CEP170B: variants seen among roughly 807,000 people sequenced by gnomAD.
The protein encoded by CEP170B is centrosomal protein 170B.
A neutral mutation model predicts 120.6 loss-of-function variants in CEP170B; 55 were observed. That is an observed-to-expected ratio of 0.46 (90% confidence interval 0.37 to 0.57). CEP170B has a LOEUF of 0.57. Ranked by LOEUF, CEP170B falls within the 20% of genes least tolerant of loss-of-function variation. The pLI, the probability that CEP170B is intolerant of heterozygous loss-of-function variation, is 0.00. For missense variants in CEP170B, 2,212 were observed against 2,253.3 expected, an observed-to-expected ratio of 0.98 and a Z score of 0.37; for synonymous variants, 1,033 against 954.5, an observed-to-expected ratio of 1.08 and a Z score of -1.52.
intron 5 of CEP170B, 59 bp downstream of exon 5, chr14:104,878,560 C>A: frequency 6.4e-7 from 1 of 1,551,058 alleles, no homozygotes; most frequent in Non-Finnish European, 8.8e-7. Context: ...CCATCCTCCC[C>A]ACCATGCTCC....
intron 13 of CEP170B, among the ~76,000 whole-genome samples, chr14:104,892,027 T>G (rs956128056): frequency 3.3e-5 from 5 of 151,174 alleles, no homozygotes; most frequent in African/African-American, 7.3e-5. Flanking sequence ...GAGGTAGGGG[T>G]AGGGGGAGGG....
chr14:104,883,084 C>T lies in CEP170B; in HGVS notation c.627C>T (p.Arg209=), dbSNP rs760614317. ...AGGACGGGGAGCTCCACGGCTTCCG[C>T]GCCCCTGCTGAGCCTCAGGGCTGCT... ...VQQDGELHGF[R]APAEPQGCSF... The change falls in exon 8 of 19, where the codon CGC becomes CGT. Residue 209 remains arginine, a synonymous_variant. Coordinates refer to ENST00000414716, the MANE Select transcript of CEP170B (RefSeq NM_001112726.3). 3.3e-5 allele frequency: 51 copies of T among 1,567,364 alleles called. 1 individual carries two copies. The highest frequency in any genetic ancestry group is 9.3e-5 in the South Asian group (8 of 86,378).
chr14:104,876,565 TCAGCCCTGGCCCCTCCCC>T (rs1227178100), intron 3 of CEP170B, among the ~76,000 whole-genome samples: 15 of 127,726 alleles, frequency 1.2e-4, no homozygotes, highest in Admixed American at 6.1e-4. Context: ...CCCCTCCCTC[TCAGCCCTGGCCCCTCCCC>T]CAGCCCTGGC....
chr14:104,887,705 C>T lies in CEP170B; in HGVS notation c.3466C>T (p.Pro1156Ser). 1 of 1,586,074 alleles carries T rather than the reference C, an allele frequency of 6.3e-7. No homozygotes were observed. The highest frequency in any genetic ancestry group is 2.3e-5 in the East Asian group (1 of 43,630). ...GGGCAACCCTGAGCCCGTGGGCCGGCCAGCTGCTGAGCAGGCCAAGAAGCT... is the reference window on the plus strand; with the variant it reads ...GGGCAACCCTGAGCCCGTGGGCCGGTCAGCTGCTGAGCAGGCCAAGAAGCT... ...SLGNPEPVGRPAAEQAKKLSR... is the reference protein window; with the variant it reads ...SLGNPEPVGRSAAEQAKKLSR... Residue 1156 changes from proline (P) to serine (S), a missense_variant, in exon 12 of 19, where the codon CCA becomes TCA. Physicochemically the swap from Pro to Ser is moderately conservative, Grantham distance 74 (BLOSUM62 -1). Around this residue, in one of 2 missense-constraint regions of CEP170B, gnomAD observed 2,166 missense variants for 2,166.7 expected, o/e 1.00. Transcript: ENST00000414716.
chr14:104,886,253 C>T (rs777954045), intron 11 of CEP170B, 22 bp from the exon 12 acceptor site: 7 of 1,495,818 alleles, frequency 4.7e-6, no homozygotes, highest in South Asian at 3.9e-5. Context: ...GCCCTCTAAC[C>T]GGCTGCCTTT....
intron 14 of CEP170B, 38 bp downstream of exon 14, chr14:104,893,173 C>T (rs1314072328): frequency 1.3e-6 from 2 of 1,589,566 alleles, no homozygotes; most frequent in Non-Finnish European, 1.7e-6. Context: ...GTGCCAGAGC[C>T]ACCCTCGAGG....
intron 2 of CEP170B, among the ~76,000 whole-genome samples, chr14:104,874,272 C>A (rs776584550): frequency 1.3e-5 from 2 of 152,216 alleles, no homozygotes; most frequent in Non-Finnish European, 2.9e-5. Context: ...CCAACCCCTC[C>A]GGCAGAGACT....
At chr14:104,889,550 T>A in intron 12 of CEP170B, 70 bp from the exon 13 acceptor site, 1 of 1,599,388 alleles carries the variant, frequency 6.3e-7, no homozygotes, top group Non-Finnish European at 8.5e-7. Flanking sequence ...GGATTACACG[T>A]CCACCTCTGA....
At chr14:104,893,977 C>A in intron 16 of CEP170B, 128 bp downstream of exon 16, 1 of 888,676 alleles carries the variant, frequency 1.1e-6, no homozygotes, top group Non-Finnish European at 1.8e-6. Context: ...GTGGAGCAGC[C>A]CTCCCGTGTG....
chr14:104,887,240 G>T lies in CEP170B; in HGVS notation c.3001G>T (p.Val1001Phe). The T allele has an allele frequency of 6.2e-7, 1 of 1,606,686 alleles. No individual in the cohort carries two copies. The highest frequency in any genetic ancestry group is 1.1e-5 in the South Asian group (1 of 90,970). Reference sequence around the variant, plus strand: ...ACAGGACCCGGGAGGCACCGCCCTGGTCAGTGCCCGTGAGCAGTCCTCAGA... The same window carrying T: ...ACAGGACCCGGGAGGCACCGCCCTGTTCAGTGCCCGTGAGCAGTCCTCAGA... ...AAQDPGGTAL[V>F]SAREQSSERQ... is the part of the protein sequence containing the mutation. Residue 1001 changes from valine (V) to phenylalanine (F), a missense_variant, in exon 12 of 19, where the codon GTC becomes TTC. Around this residue, in one of 2 missense-constraint regions of CEP170B, gnomAD observed 2,166 missense variants for 2,166.7 expected, o/e 1.00. Coordinates refer to ENST00000414716, the MANE Select transcript of CEP170B (RefSeq NM_001112726.3).
rs545093477 is a variant in CEP170B, at chr14:104,894,835, C to G, written c.4542C>G (p.Pro1514=). 6.2e-7 allele frequency: 1 copy of G among 1,609,340 alleles called. No homozygotes were observed. Among genetic ancestry groups the G allele is most frequent in the African/African-American group, 1.3e-5 (1 of 74,874 alleles). ...TGGCTGCCCAGAGCCCACCCTCACC[C>G]GCCTCAGCCGAGGCCCTGCTGCCAG... ...GRVAAQSPPS[P]ASAEALLPAL... is the part of the protein sequence containing the mutation. Residue 1514 remains proline, a synonymous_variant, in exon 19 of 19, where the codon CCC becomes CCG. Coordinates refer to ENST00000414716, the MANE Select transcript of CEP170B (RefSeq NM_001112726.3).
chr14:104,883,709 G>A (rs543215686), intron 8 of CEP170B, 122 bp from the exon 9 acceptor site: 18 of 1,124,968 alleles, frequency 1.6e-5, no homozygotes, highest in Admixed American at 2.8e-5. Context: ...CTGTGTGGGG[G>A]GGCCCTGAGG....
At chr14:104,877,000 C>T (rs1266280518) in intron 3 of CEP170B, among the ~76,000 whole-genome samples, 2 of 152,190 alleles carry the variant, frequency 1.3e-5, no homozygotes, top group Non-Finnish European at 2.9e-5. Flanking sequence ...CCTGAGGTCC[C>T]TGTCTGGATG....
Position 104,886,507 on chromosome 14 carries a change from C to G in CEP170B, c.2268C>G (p.Gly756=). The G allele has an allele frequency of 6.6e-7, 1 of 1,505,094 alleles. No individual in the cohort carries two copies. Among genetic ancestry groups the G allele is most frequent in the Non-Finnish European group, 8.8e-7 (1 of 1,130,946 alleles). 93.2% of individuals were successfully genotyped at this position (1,505,094 alleles called of 1,614,324 possible). A position where few individuals can be genotyped will look rare whatever the true frequency, so the allele number is the denominator to read the frequency against. The change falls in exon 12 of 19, where the codon GGC becomes GGG. Residue 756 remains glycine (G), a synonymous_variant. Coordinates refer to ENST00000414716, the MANE Select transcript of CEP170B (RefSeq NM_001112726.3). ...GCGATGCCAGTGGGTCGGACGGGGG[C>G]CGAGGCCCCGAGCCAGGGGTGGAGC... ...SLSDASGSDG[G]RGPEPGVEPQ...
chr14:104,891,197 G>A lies in CEP170B; in HGVS notation c.3878+1439G>A, dbSNP rs757040287. Among the ~76,000 whole-genome samples, 20 of 152,138 alleles carry A rather than the reference G, an allele frequency of 1.3e-4. No individual in the cohort carries two copies. The highest frequency in any genetic ancestry group is 2.8e-4 in the Non-Finnish European group (19 of 68,004). Reference sequence around the variant, plus strand: ...TCATTAGAAATGAACTCCCTCACATGGTCATTCAGTAACAGGGCCCTCTCC... The same window carrying A: ...TCATTAGAAATGAACTCCCTCACATAGTCATTCAGTAACAGGGCCCTCTCC... On this transcript the variant is annotated intron_variant, in intron 13 of 18. Coordinates refer to ENST00000414716, the MANE Select transcript of CEP170B (RefSeq NM_001112726.3). The surrounding 1 kb of genome is among the most constrained non-coding windows in gnomAD (Gnocchi z 4.3).
intron 5 of CEP170B, 96 bp from the exon 6 acceptor site, chr14:104,880,191 C>G: frequency 6.7e-7 from 1 of 1,484,840 alleles, no homozygotes; most frequent in African/African-American, 1.4e-5. Context: ...AAAGTCATAG[C>G]TGGGCCCTCT....
intron 2 of CEP170B, among the ~76,000 whole-genome samples, chr14:104,869,670 C>T (rs1895372420): frequency 6.6e-6 from 1 of 152,120 alleles, no homozygotes; most frequent in South Asian, 2.1e-4. Context: ...GAGGCTTTGC[C>T]CTTGGGAATG....
intron 2 of CEP170B, among the ~76,000 whole-genome samples, chr14:104,872,986 C>T (rs1394018297): frequency 6.6e-6 from 1 of 152,344 alleles, no homozygotes; most frequent in African/African-American, 2.4e-5. Context: ...GTCCACAGCC[C>T]GGGTTTCTGT....
chr14:104,886,305 C>T lies in CEP170B; in HGVS notation c.2066C>T (p.Pro689Leu), dbSNP rs542145938. 173 of 1,534,984 alleles carry T rather than the reference C, an allele frequency of 1.1e-4. 1 individual carries two copies. The East Asian group carries it at 1.8e-3, about 16-fold the overall frequency. ...EDGLGRRGGE[P>L]EGSLPVRMRR... ...GGCCTGGGACGTAGAGGCGGGGAGC[C>T]GGAGGGGTCCCTGCCTGTGCGCATG... is the stretch of plus-strand genomic sequence containing the variant. The change falls in exon 12 of 19, where the codon CCG becomes CTG. Residue 689 changes from proline to leucine, a missense_variant. Pro to Leu is a moderately conservative substitution (Grantham distance 98, BLOSUM62 -3). Coordinates refer to ENST00000414716, the MANE Select transcript of CEP170B (RefSeq NM_001112726.3).
Sources: gnomAD v4.1 joint callset for allele counts (sites outside exome capture counted in the v4.1 genomes callset) on GRCh38, gnomAD v4.1.1 for gene constraint, gnomAD v4.1.1 regional missense constraint, Gnocchi (gnomAD v3.1) non-coding constraint, MANE v1.5 for transcripts, NCBI Gene and HGNC (gene_info 2026-07-23, HGNC 2026-07-21) for gene names.